GLRB: variants seen among roughly 807,000 people sequenced by gnomAD.
The protein encoded by GLRB is glycine receptor subunit beta.
In GLRB, 33 loss-of-function variants were observed where a neutral mutation model predicts 54.2. The ratio of observed to expected loss-of-function variants is 0.61; its 90% CI spans 0.46 to 0.81. The LOEUF is 0.81. GLRB is among the 40% of genes least tolerant of loss of function. The pLI is 0.00. For missense variants in GLRB, 572 were observed against 584.6 expected (o/e 0.98, Z 0.22); for synonymous variants, 209 against 208.2 (o/e 1.00, Z -0.03).
At chr4:157,090,885 A>C (rs1016474261) in intron 2 of GLRB, among the ~76,000 whole-genome samples, 3 of 152,196 alleles carry the variant, frequency 2.0e-5, no homozygotes, top group African/African-American at 7.2e-5. Flanking sequence ...ATTAATTTTA[A>C]GATTCCAATT....
intron 9 of GLRB, among the ~76,000 whole-genome samples, chr4:157,160,247 G>C (rs1737424065): frequency 6.7e-6 from 1 of 148,618 alleles, no homozygotes; most frequent in Non-Finnish European, 1.5e-5. Context: ...AGTCTTGCTA[G>C]TGGTCTATCG....
chr4:157,156,055 TTGCTTA>T (rs1376877326), intron 9 of GLRB, among the ~76,000 whole-genome samples: 1 of 152,228 alleles, frequency 6.6e-6, no homozygotes, highest in Non-Finnish European at 1.5e-5. Context: ...TTTATTAATT[TTGCTTA>T]TGATTGCTTT....
chr4:157,138,727 G>C, intron 6 of GLRB, 82 bp from the exon 7 acceptor site: 1 of 766,292 alleles, frequency 1.3e-6, no homozygotes, highest in South Asian at 1.7e-5. Flanking sequence ...CCTTTGCTAT[G>C]TTTAAGATTT....
chr4:157,118,091 C>G (rs1735670593), intron 2 of GLRB, among the ~76,000 whole-genome samples: 1 of 151,498 alleles, frequency 6.6e-6, no homozygotes, highest in Non-Finnish European at 1.5e-5. Flanking sequence ...AGATAAAGGG[C>G]TAAAAATGAG....
intron 2 of GLRB, among the ~76,000 whole-genome samples, chr4:157,098,453 C>T (rs980574063): frequency 1.3e-5 from 2 of 152,066 alleles, no homozygotes; most frequent in Non-Finnish European, 2.9e-5. Flanking sequence ...ATAAATGAGT[C>T]TGGAAGGAAC....
At chr4:157,159,969 T>C (rs1350204322) in intron 9 of GLRB, among the ~76,000 whole-genome samples, 1 of 152,184 alleles carries the variant, frequency 6.6e-6, no homozygotes. Context: ...GTCCTGGACT[T>C]TTTTTGGTTG....
chr4:157,159,841 G>T (rs1281977377), intron 9 of GLRB, among the ~76,000 whole-genome samples: 1 of 152,144 alleles, frequency 6.6e-6, no homozygotes. Flanking sequence ...GATGATGTTG[G>T]CCTCATTAAA....
chr4:157,151,856 T>G (rs1050741252), intron 8 of GLRB, among the ~76,000 whole-genome samples: 1 of 152,090 alleles, frequency 6.6e-6, no homozygotes, highest in East Asian at 1.9e-4. Context: ...GTCAGATCTG[T>G]TTTCTATTTC....
intron 4 of GLRB, among the ~76,000 whole-genome samples, chr4:157,134,885 A>G (rs553732459): frequency 3.2e-4 from 47 of 148,432 alleles, no homozygotes; most frequent in Non-Finnish European, 5.3e-4. Flanking sequence ...GTTAATGTTT[A>G]GCTTCCCAGC....
chr4:157,165,476 C>G (rs1289994156), intron 9 of GLRB, among the ~76,000 whole-genome samples: 1 of 151,506 alleles, frequency 6.6e-6, no homozygotes, highest in African/African-American at 2.4e-5. Context: ...ATGTTTGAAG[C>G]TGATGTATAA....
At chr4:157,148,725 T>C (rs752945046) in intron 8 of GLRB, among the ~76,000 whole-genome samples, 4 of 152,184 alleles carry the variant, frequency 2.6e-5, no homozygotes, top group Non-Finnish European at 5.9e-5. Context: ...TCAATTCTTT[T>C]ATGTGTGTTG....
intron 5 of GLRB, 29 bp downstream of exon 5, chr4:157,136,727 T>C: frequency 6.6e-7 from 1 of 1,525,128 alleles, no homozygotes; most frequent in Non-Finnish European, 9.1e-7. Flanking sequence ...TATTTGTGCA[T>C]TTATATTTTC....
intron 8 of GLRB, among the ~76,000 whole-genome samples, chr4:157,145,862 T>C (rs564298141): frequency 6.6e-6 from 1 of 152,118 alleles, no homozygotes; most frequent in Admixed American, 6.5e-5. Flanking sequence ...CTGGGCTGCA[T>C]TCCTGAGGCA....
chr4:157,131,251 C>A (rs547636059), intron 4 of GLRB, among the ~76,000 whole-genome samples: 1 of 151,682 alleles, frequency 6.6e-6, no homozygotes, highest in African/African-American at 2.4e-5. Flanking sequence ...GATGTTTTTT[C>A]TTAACCTTGT....
chr4:157,136,953 A>G lies in GLRB; in HGVS notation c.610+67A>G, dbSNP rs1364776593. ...TTAAAATGTCTGGGTAATACATTCT[A>G]CTGACATCTTAGACAACAGTGGTAA... On this transcript the variant is annotated intron_variant, in intron 6 of 9. Coordinates refer to ENST00000264428, the MANE Select transcript of GLRB (RefSeq NM_000824.5). 1.7e-5 allele frequency: 16 copies of G among 921,052 alleles called. No homozygotes were observed. The Admixed American group carries it at 2.3e-4, about 13-fold the overall frequency. The allele number at this position is 921,052 out of a possible 1,614,324, so 57.1% of individuals were successfully genotyped here. A position where few individuals can be genotyped will look rare whatever the true frequency, so the allele number is the denominator to read the frequency against.
chr4:157,118,898 G>A (rs1055701227), intron 2 of GLRB, among the ~76,000 whole-genome samples: 1 of 151,562 alleles, frequency 6.6e-6, no homozygotes, highest in Non-Finnish European at 1.5e-5. Flanking sequence ...TTCAAGTAGA[G>A]TTTTGCTCTT....
In GLRB at chr4:157,079,530, A is replaced by G. The variant is rs532352996; in HGVS notation, c.122+1384A>G. On this transcript the variant is annotated intron_variant, in intron 2 of 9. Coordinates refer to ENST00000264428, the MANE Select transcript of GLRB (RefSeq NM_000824.5). The stretch of plus-strand genomic sequence containing the variant: ...GGATATTTCCTGATTTTCACCCTTA[A>G]TAGTCCTGCTTATTCTAGTGCTGCA... Among the ~76,000 whole-genome samples, 16 of 152,256 alleles carry G rather than the reference A, an allele frequency of 1.1e-4. No individual in the cohort carries two copies. The East Asian group carries it at 3.1e-3, about 29-fold the overall frequency.
intron 2 of GLRB, among the ~76,000 whole-genome samples, chr4:157,087,278 G>T (rs1228877799): frequency 1.3e-5 from 2 of 152,076 alleles, no homozygotes; most frequent in Admixed American, 6.5e-5. Flanking sequence ...TGATGGCAAA[G>T]ACCTTGTATA....
rs930537901 is a variant in GLRB at position 157,171,521 on chromosome 4, A to G, written c.*793A>G. 6.6e-6 allele frequency: 1 copy of G among 152,354 alleles called. No homozygotes were observed. The highest frequency in any genetic ancestry group is 1.5e-5 in the Non-Finnish European group (1 of 67,800). The allele number at this position is 152,354 out of a possible 1,614,324, so 9.4% of individuals were successfully genotyped here. A position where few individuals can be genotyped will look rare whatever the true frequency, so the allele number is the denominator to read the frequency against. ...TTTGTTGGTACATATTACACAAAAC[A>G]TTGTGCCTTAAAATGAGTCATACAT... On this transcript the variant is annotated 3_prime_UTR_variant, in exon 10 of 10. Coordinates refer to ENST00000264428, the MANE Select transcript of GLRB (RefSeq NM_000824.5).
Sources: gnomAD v4.1 joint callset for allele counts (sites outside exome capture counted in the v4.1 genomes callset) on GRCh38, gnomAD v4.1.1 for gene constraint, MANE v1.5 for transcripts, NCBI Gene and HGNC (gene_info 2026-07-23, HGNC 2026-07-21) for gene names.